Variants in PDE2A observed in about 807,000 individuals in gnomAD.
The protein encoded by PDE2A is phosphodiesterase 2A.
Under a neutral mutation model 133.6 loss-of-function variants are expected in PDE2A, and 53 were observed. The ratio of observed to expected loss-of-function variants is 0.40; its 90% CI spans 0.32 to 0.50. PDE2A has a LOEUF of 0.50. Among genes scored for constraint, PDE2A ranks in the 20% least tolerant of loss-of-function variants. PDE2A has a pLI of 0.73. For missense variants in PDE2A, 796 were observed against 1,232.4 expected, an observed-to-expected ratio of 0.65 and a Z score of 5.30; for synonymous variants, 491 against 490.2, an observed-to-expected ratio of 1.00 and a Z score of -0.02.
chr11:72,649,941 TA>T (rs1243095718), intron 1 of PDE2A, among the ~76,000 whole-genome samples: 3 of 151,438 alleles, frequency 2.0e-5, no homozygotes, highest in African/African-American at 7.3e-5. Context: ...CTTCTCAGCC[TA>T]CCCCAGGGAC....
At chr11:72,628,193 G>A (rs186389674) in intron 2 of PDE2A, among the ~76,000 whole-genome samples, 1 of 152,370 alleles carries the variant, frequency 6.6e-6, no homozygotes, top group Admixed American at 6.5e-5. Flanking sequence ...AAACAGAGAG[G>A]AGGCTAACTC....
rs1003800668 is a variant in PDE2A at position 72,669,037 on chromosome 11, G to A, written c.71+5100C>T. The A allele has an allele frequency of 8.8e-5, 77 of 872,418 alleles. No individual in the cohort carries two copies. In the African/African-American group the frequency reaches 1.3e-3, roughly 15 times the overall value. 54.0% of individuals were successfully genotyped at this position (872,418 alleles called of 1,614,324 possible). A position where few individuals can be genotyped will look rare whatever the true frequency, so the allele number is the denominator to read the frequency against. Reference sequence around the variant, plus strand: ...TTGTGAGCACCTGCCGCATGCCAGGGGCTAAGCTCTGCACTTCCAGATTCT... The same window carrying A: ...TTGTGAGCACCTGCCGCATGCCAGGAGCTAAGCTCTGCACTTCCAGATTCT... On this transcript the variant is annotated intron_variant, in intron 1 of 30. Coordinates refer to ENST00000334456, the MANE Select transcript of PDE2A (RefSeq NM_002599.5).
intron 4 of PDE2A, among the ~76,000 whole-genome samples, chr11:72,601,209 C>A (rs529568714): frequency 8.3e-6 from 1 of 121,000 alleles, no homozygotes; most frequent in African/African-American, 3.3e-5. Flanking sequence ...CCTCACAGAG[C>A]CCCTCACTCT....
chr11:72,661,583 T>C (rs1855064730), intron 1 of PDE2A, among the ~76,000 whole-genome samples: 1 of 152,068 alleles, frequency 6.6e-6, no homozygotes, highest in Admixed American at 6.5e-5. Flanking sequence ...AAGGCCCCTA[T>C]CAAGGAGGCA....
At chr11:72,665,956 T>C (rs1855222394) in intron 1 of PDE2A, among the ~76,000 whole-genome samples, 2 of 151,192 alleles carry the variant, frequency 1.3e-5, no homozygotes, top group South Asian at 4.2e-4. Flanking sequence ...AAAGAAGAAA[T>C]TGAGGCTTCC....
chr11:72,645,923 G>A (rs184251843), intron 1 of PDE2A, among the ~76,000 whole-genome samples: 1 of 152,354 alleles, frequency 6.6e-6, no homozygotes, highest in Admixed American at 6.5e-5. Context: ...TAGCTTGTAA[G>A]TAGTCAAAAT....
At chr11:72,588,652 A>G in intron 13 of PDE2A, 132 bp downstream of exon 13, 1 of 797,922 alleles carries the variant, frequency 1.3e-6, no homozygotes, top group Non-Finnish European at 2.0e-6. Flanking sequence ...TCTTGCACTA[A>G]CACACTGTTC....
chr11:72,661,884 C>T (rs1440697834), intron 1 of PDE2A, among the ~76,000 whole-genome samples: 1 of 152,292 alleles, frequency 6.6e-6, no homozygotes, highest in Non-Finnish European at 1.5e-5. Context: ...GTTCTGTTTT[C>T]GTTTCTGGGT....
In PDE2A at chr11:72,589,383, A is replaced by C. The variant is rs1856127765; in HGVS notation, c.874-143T>G. On this transcript the variant is annotated intron_variant, in intron 11 of 30. Transcript: ENST00000334456. ...GGACAGGGTCAGCATTGATGAGCAG[A>C]GATGGAGGGGAGTCTGGCAGAATTC... 7.3e-6 allele frequency: 5 copies of C among 682,884 alleles called. 1 individual carries two copies. The South Asian group carries it at 8.4e-5, about 12-fold the overall frequency. The allele number at this position is 682,884 out of a possible 1,614,324, so 42.3% of individuals were successfully genotyped here.
At chr11:72,579,762 A>G (rs1474532744) in intron 25 of PDE2A, 154 bp from the exon 26 acceptor site, 3 of 610,412 alleles carry the variant, frequency 4.9e-6, no homozygotes, top group Non-Finnish European at 8.7e-6. Context: ...TCCCTTTCTG[A>G]GCTCTGTTTC....
In PDE2A at chr11:72,618,938, T is replaced by C. The variant is rs188332009; in HGVS notation, c.145-10187A>G. Among the ~76,000 whole-genome samples, 324 of 152,278 alleles carry C rather than the reference T, an allele frequency of 2.1e-3. 1 individual carries two copies. The highest frequency in any genetic ancestry group is 1.6e-3 in the Non-Finnish European group (107 of 68,018). On this transcript the variant is annotated intron_variant, in intron 2 of 30. Coordinates refer to ENST00000334456, the MANE Select transcript of PDE2A (RefSeq NM_002599.5). The stretch of plus-strand genomic sequence containing the variant: ...GGCTGACATCCAGAGTTATTTTCCT[T>C]TGAAGGGCCCAGGAAGCCAGAGAAC...
At chr11:72,629,507 A>T (rs1002138184) in intron 2 of PDE2A, among the ~76,000 whole-genome samples, 1 of 152,164 alleles carries the variant, frequency 6.6e-6, no homozygotes, top group African/African-American at 2.4e-5. Flanking sequence ...GCCCCGCCCC[A>T]TGGGGAATGC....
chr11:72,621,264 G>A (rs73544379), intron 2 of PDE2A, among the ~76,000 whole-genome samples: 8,454 of 152,138 alleles, frequency 0.056, 757 homozygotes, highest in African/African-American at 0.19. Flanking sequence ...TCGCATCTGG[G>A]CACAGACACC....
Position 72,597,212 on chromosome 11 carries a change from G to A in PDE2A, c.433+298C>T, listed in dbSNP as rs528666759. Among the ~76,000 whole-genome samples the A allele has an allele frequency of 3.7e-4, 57 of 152,300 alleles. No homozygotes were observed. Among genetic ancestry groups the A allele is most frequent in the African/African-American group, 1.3e-3 (53 of 41,562 alleles). On this transcript the variant is annotated intron_variant, in intron 5 of 30. Coordinates refer to ENST00000334456, the MANE Select transcript of PDE2A (RefSeq NM_002599.5). The surrounding 1 kb of genome is among the most constrained non-coding windows in gnomAD (Gnocchi z 4.6). Reference sequence around the variant, plus strand: ...ACAGGCACATCACAACCACAGCCACGGGCCACTGAGCCCTCGCTTGTGCCA... The same window carrying A: ...ACAGGCACATCACAACCACAGCCACAGGCCACTGAGCCCTCGCTTGTGCCA...
intron 6 of PDE2A, among the ~76,000 whole-genome samples, chr11:72,592,723 C>G (rs1412633408): frequency 1.3e-5 from 2 of 152,012 alleles, no homozygotes; most frequent in Non-Finnish European, 2.9e-5. Context: ...GGAGCCATGG[C>G]AGACTTTAGC....
Position 72,578,196 on chromosome 11 carries a change from T to C in PDE2A, c.2615+37A>G, listed in dbSNP as rs373775578. The C allele has an allele frequency of 3.9e-5, 51 of 1,310,430 alleles. No homozygotes were observed. The African/African-American group carries it at 6.9e-4, about 18-fold the overall frequency. 81.2% of individuals were successfully genotyped at this position (1,310,430 alleles called of 1,614,324 possible). On this transcript the variant is annotated intron_variant, in intron 30 of 30. Transcript: ENST00000334456. This position sits in a 1 kb window ranked among gnomAD's most constrained non-coding sequence, Gnocchi z 4.2. ...TGTCCCCACTCCAGCCTACCCTCTC[T>C]GTGCAGGGTGCAGCTTGTCCCCATG...
chr11:72,611,049 G>A (rs1857191531), intron 2 of PDE2A, among the ~76,000 whole-genome samples: 1 of 152,204 alleles, frequency 6.6e-6, no homozygotes, highest in Non-Finnish European at 1.5e-5. Context: ...ACAGAAGGTG[G>A]TGTTGGTTTG....
At chr11:72,662,367 C>G (rs948123272) in intron 1 of PDE2A, among the ~76,000 whole-genome samples, 1 of 152,118 alleles carries the variant, frequency 6.6e-6, no homozygotes, top group Non-Finnish European at 1.5e-5. Flanking sequence ...CTCACTGACT[C>G]GCCTCCCAGG....
At chr11:72,601,433 C>G (rs900062517) in intron 4 of PDE2A, among the ~76,000 whole-genome samples, 1 of 145,252 alleles carries the variant, frequency 6.9e-6, no homozygotes, top group African/African-American at 2.6e-5. Context: ...GCAGACCGTT[C>G]CCGGTGTCCT....
Sources: allele counts gnomAD v4.1 joint callset (sites outside exome capture counted in the v4.1 genomes callset), GRCh38; gene constraint gnomAD v4.1.1; non-coding constraint Gnocchi (gnomAD v3.1); transcripts MANE v1.5; gene names NCBI Gene and HGNC (gene_info 2026-07-23, HGNC 2026-07-21).